AHCYL2: variants seen among roughly 807,000 people sequenced by gnomAD.
AHCYL2 encodes the protein S-adenosylhomocysteine hydrolase-like protein 2.
Under a neutral mutation model 81.4 loss-of-function variants are expected in AHCYL2, and 28 were observed. That is an observed-to-expected ratio of 0.34 (90% CI 0.25 to 0.47). AHCYL2 has a LOEUF of 0.47. AHCYL2 is among the 20% of genes least tolerant of loss of function. AHCYL2 has a pLI of 1.00. For missense variants in AHCYL2, 551 were observed against 785.1 expected (o/e 0.70, Z 3.56); for synonymous variants, 272 against 290.2 (o/e 0.94, Z 0.64).
intron 12 of AHCYL2, among the ~76,000 whole-genome samples, chr7:129,416,878 G>A (rs1796881020): frequency 6.6e-6 from 1 of 152,116 alleles, no homozygotes; most frequent in South Asian, 2.1e-4. Flanking sequence ...AGCACTTTGG[G>A]AGACCAAGGC....
chr7:129,302,665 T>C (rs1797294282), intron 1 of AHCYL2, among the ~76,000 whole-genome samples: 1 of 152,230 alleles, frequency 6.6e-6, no homozygotes, highest in South Asian at 2.1e-4. Context: ...ATCACATTGA[T>C]TGATTGGTGT....
chr7:129,327,409 A>G (rs1199063946), intron 1 of AHCYL2, among the ~76,000 whole-genome samples: 1 of 152,174 alleles, frequency 6.6e-6, no homozygotes, highest in East Asian at 1.9e-4. Context: ...TAATCCACCT[A>G]GTCTGTGGTA....
chr7:129,340,145 A>C lies in AHCYL2; in HGVS notation c.364-39493A>C, dbSNP rs1208569365. On this transcript the variant is annotated intron_variant, in intron 1 of 16. Transcript: ENST00000325006. Reference sequence around the variant, plus strand: ...CACCGTGTTAGCCAGGATGGTCTCGATCTCCTGACCTTGTGATCCGCCCGC... The same window carrying C: ...CACCGTGTTAGCCAGGATGGTCTCGCTCTCCTGACCTTGTGATCCGCCCGC... Among the ~76,000 whole-genome samples the C allele has an allele frequency of 4.9e-5, 7 of 144,120 alleles. No individual in the cohort carries two copies. The East Asian group carries it at 1.5e-3, about 32-fold the overall frequency. 94.5% of individuals were successfully genotyped at this position (144,120 alleles called of 152,430 possible).
At position 129,425,047 on chromosome 7, in the gene AHCYL2, C is replaced by G. The variant is rs1164508478; in HGVS notation, c.1630-16C>G. ...CCATGAATGGCACATCAGCATCCAT[C>G]TCTCTGCTTTTCTAGGCTCTTGCCT... On this transcript the variant is annotated splice_polypyrimidine_tract_variant and intron_variant, in intron 14 of 16. Coordinates refer to ENST00000325006, the MANE Select transcript of AHCYL2 (RefSeq NM_015328.4). 6.2e-7 allele frequency: 1 copy of G among 1,613,772 alleles called. No individual in the cohort carries two copies.
At chr7:129,294,457 GATGT>G (rs1796985840) in intron 1 of AHCYL2, among the ~76,000 whole-genome samples, 1 of 152,096 alleles carries the variant, frequency 6.6e-6, no homozygotes, top group Admixed American at 6.6e-5. Context: ...TTAGGAATTT[GATGT>G]ATTAACTCAT....
intron 1 of AHCYL2, among the ~76,000 whole-genome samples, chr7:129,261,270 G>C (rs1795630462): frequency 6.6e-6 from 1 of 151,896 alleles, no homozygotes; most frequent in African/African-American, 2.4e-5. Flanking sequence ...TTATAGATAG[G>C]TTTAGATCAC....
At position 129,331,981 on chromosome 7, in the gene AHCYL2, A is replaced by G. The variant is rs549478904; in HGVS notation, c.364-47657A>G. 2.0e-5 allele frequency among the ~76,000 whole-genome samples: 3 copies of G among 152,098 alleles called. No homozygotes were observed. The East Asian group carries it at 5.8e-4, about 29-fold the overall frequency. On this transcript the variant is annotated intron_variant, in intron 1 of 16. Coordinates refer to ENST00000325006, the MANE Select transcript of AHCYL2 (RefSeq NM_015328.4). ...GAGAGAGGTTAAATAACTTGTCTAA[A>G]ATCACATAGGGAGTGGGAAAGCTGG...
chr7:129,249,034 C>T (rs1795156541), intron 1 of AHCYL2, among the ~76,000 whole-genome samples: 1 of 146,674 alleles, frequency 6.8e-6, no homozygotes, highest in Non-Finnish European at 1.5e-5. Flanking sequence ...GTCTCACTTC[C>T]TCACCCAGGC....
intron 1 of AHCYL2, among the ~76,000 whole-genome samples, chr7:129,360,344 G>A (rs549965681): frequency 2.0e-5 from 3 of 152,294 alleles, no homozygotes; most frequent in African/African-American, 7.2e-5. Flanking sequence ...TCGAACTCCC[G>A]ACCTCAGGTG....
At chr7:129,421,698 A>G (rs1181864958) in intron 12 of AHCYL2, among the ~76,000 whole-genome samples, 3 of 152,346 alleles carry the variant, frequency 2.0e-5, no homozygotes, top group Admixed American at 2.0e-4. Context: ...ATATAATTGT[A>G]TATGTCTTTC....
chr7:129,405,723 C>T, intron 8 of AHCYL2, 113 bp from the exon 9 acceptor site: 1 of 946,116 alleles, frequency 1.1e-6, no homozygotes, highest in South Asian at 2.2e-5. Flanking sequence ...ACCAGACTTT[C>T]TTTCAAAATG....
intron 1 of AHCYL2, among the ~76,000 whole-genome samples, chr7:129,282,146 A>G (rs1481415760): frequency 6.6e-6 from 1 of 152,164 alleles, no homozygotes; most frequent in Non-Finnish European, 1.5e-5. Flanking sequence ...ATGGCCTCAA[A>G]TATGGCTTAT....
chr7:129,330,504 T>A (rs527510414), intron 1 of AHCYL2, among the ~76,000 whole-genome samples: 98 of 149,082 alleles, frequency 6.6e-4, no homozygotes, highest in African/African-American at 2.3e-3. Context: ...GGAGTCTCAC[T>A]CTGTCGTCCA....
At chr7:129,393,202 A>T (rs2150912138) in intron 4 of AHCYL2, among the ~76,000 whole-genome samples, 2 of 152,344 alleles carry the variant, frequency 1.3e-5, no homozygotes, top group Admixed American at 1.3e-4. Context: ...AGATCACTTG[A>T]ACCCAGGAGT....
At chr7:129,225,572 A>G in intron 1 of AHCYL2, 133 bp downstream of exon 1, 3 of 1,357,488 alleles carry the variant, frequency 2.2e-6, no homozygotes, top group Non-Finnish European at 2.8e-6. Context: ...TGTCCCCTTA[A>G]ACCCACTCTC....
chr7:129,267,530 C>T (rs555669272), intron 1 of AHCYL2, among the ~76,000 whole-genome samples: 5 of 152,182 alleles, frequency 3.3e-5, no homozygotes, highest in African/African-American at 1.2e-4. Flanking sequence ...GTCTCGAACT[C>T]CTGACCTCAA....
chr7:129,290,892 T>C (rs1290919162), intron 1 of AHCYL2, among the ~76,000 whole-genome samples: 1 of 151,096 alleles, frequency 6.6e-6, no homozygotes, highest in Non-Finnish European at 1.5e-5. Context: ...ATCACGCCAC[T>C]GCACTCTAGC....
intron 12 of AHCYL2, among the ~76,000 whole-genome samples, chr7:129,415,062 A>AAAT (rs1191358150): frequency 2.0e-5 from 3 of 152,010 alleles, no homozygotes; most frequent in Non-Finnish European, 2.9e-5. Context: ...TGGCCTTATT[A>AAAT]CTCTCTCTTA....
intron 1 of AHCYL2, among the ~76,000 whole-genome samples, chr7:129,261,349 T>G (rs979770155): frequency 3.9e-5 from 6 of 152,198 alleles, no homozygotes; most frequent in Admixed American, 2.0e-4. Flanking sequence ...TAAGGCCAAA[T>G]AGAGAGTTCT....
Sources: allele counts gnomAD v4.1 joint callset (sites outside exome capture counted in the v4.1 genomes callset), GRCh38; gene constraint gnomAD v4.1.1; transcripts MANE v1.5; gene names NCBI Gene and HGNC (gene_info 2026-07-23, HGNC 2026-07-21).